Variants in PPIL3 observed in about 807,000 individuals in gnomAD.
The protein encoded by PPIL3 is peptidylprolyl isomerase like 3, also known as peptidyl-prolyl cis-trans isomerase-like 3.
Under a neutral mutation model 20.9 loss-of-function variants are expected in PPIL3, and 13 were observed. The ratio of observed to expected loss-of-function variants is 0.62; its 90% CI spans 0.40 to 0.99. PPIL3 has a LOEUF of 0.99. PPIL3 is among the 50% of genes least tolerant of loss of function. The pLI, the probability that PPIL3 is intolerant of heterozygous loss-of-function variation, is 0.00. For synonymous variants in PPIL3, 71 were observed against 64.4 expected (o/e 1.10, Z -0.49); for missense variants, 170 against 195.2 (o/e 0.87, Z 0.77).
intron 2 of PPIL3, among the ~76,000 whole-genome samples, chr2:200,886,429 CTTT>C (rs1304349954): frequency 1.4e-5 from 2 of 142,914 alleles, no homozygotes; most frequent in Non-Finnish European, 3.1e-5. Flanking sequence ...TTCATTTCTC[CTTT>C]TTTTTTTTTT....
intron 1 of PPIL3, 109 bp downstream of exon 1, chr2:200,888,847 C>A: frequency 2.2e-6 from 1 of 454,472 alleles, no homozygotes; most frequent in Non-Finnish European, 4.6e-6. Context: ...ACAACAGCCT[C>A]GCCGCCCACT....
intron 3 of PPIL3, chr2:200,885,355 A>G: frequency 2.8e-6 from 1 of 360,330 alleles, no homozygotes; most frequent in Non-Finnish European, 4.9e-6. Flanking sequence ...TGGGGGACAC[A>G]GCGAGACTCC....
chr2:200,871,933 T>A (rs1490634717), intron 6 of PPIL3, among the ~76,000 whole-genome samples: 2 of 152,204 alleles, frequency 1.3e-5, no homozygotes, highest in Admixed American at 1.3e-4. Flanking sequence ...ACTTGATTAT[T>A]TTTTCAAAAT....
chr2:200,880,824 A>C (rs1234267297), intron 5 of PPIL3, among the ~76,000 whole-genome samples: 2 of 152,038 alleles, frequency 1.3e-5, no homozygotes, highest in Non-Finnish European at 2.9e-5. Context: ...ACTAATTTTT[A>C]ATTTTAGACA....
At chr2:200,882,670 G>A (rs563187755) in intron 3 of PPIL3, among the ~76,000 whole-genome samples, 1 of 152,240 alleles carries the variant, frequency 6.6e-6, no homozygotes, top group African/African-American at 2.4e-5. Context: ...AGCACTTTGG[G>A]AGGCCGAGGT....
In PPIL3 at chr2:200,887,625, T is replaced by C; in HGVS notation, c.-10A>G. The C allele has an allele frequency of 6.2e-7, 1 of 1,603,740 alleles. No individual in the cohort carries two copies. Among genetic ancestry groups the C allele is most frequent in the Non-Finnish European group, 8.5e-7 (1 of 1,174,096 alleles). ...GCTCAAAACTTACCATTTTTCCTCT[T>C]AGTGGTTTCAGGAAGGACTACGTGA... is the stretch of plus-strand genomic sequence containing the variant. On this transcript the variant is annotated 5_prime_UTR_variant, in exon 2 of 7. Transcript: ENST00000392283.
intron 6 of PPIL3, among the ~76,000 whole-genome samples, chr2:200,875,555 C>T (rs561628987): frequency 3.0e-4 from 46 of 151,654 alleles, no homozygotes; most frequent in Non-Finnish European, 5.7e-4. Flanking sequence ...TGTGAGCCAC[C>T]GCACCCGGCT....
chr2:200,884,382 A>G (rs1254377597), intron 3 of PPIL3, among the ~76,000 whole-genome samples: 1 of 152,186 alleles, frequency 6.6e-6, no homozygotes, highest in East Asian at 1.9e-4. Context: ...AGCCTGGGCA[A>G]CAAGAGCAAA....
chr2:200,878,430 C>G (rs1003594330), intron 5 of PPIL3, among the ~76,000 whole-genome samples: 2 of 150,202 alleles, frequency 1.3e-5, no homozygotes, highest in African/African-American at 4.9e-5. Context: ...CACTCTGTCA[C>G]CCAGGTTAGA....
intron 5 of PPIL3, among the ~76,000 whole-genome samples, chr2:200,877,898 T>A (rs2039582149): frequency 6.6e-6 from 1 of 152,150 alleles, no homozygotes; most frequent in Non-Finnish European, 1.5e-5. Context: ...TAGTATTTGT[T>A]TACAAGAGAC....
chr2:200,877,083 T>A (rs200869819), intron 5 of PPIL3, 46 bp from the exon 6 acceptor site: 5 of 1,234,160 alleles, frequency 4.1e-6, no homozygotes, highest in Non-Finnish European at 6.0e-6. Flanking sequence ...TATATAACCA[T>A]CCCAAATATA....
At chr2:200,871,841 C>A (rs1246374036) in intron 6 of PPIL3, among the ~76,000 whole-genome samples, 1 of 152,176 alleles carries the variant, frequency 6.6e-6, no homozygotes, top group Admixed American at 6.5e-5. Context: ...AAAGGGAAAA[C>A]AAACTGTTTT....
At chr2:200,877,132 T>A (rs1300007203) in intron 5 of PPIL3, 95 bp from the exon 6 acceptor site, 12 of 862,930 alleles carry the variant, frequency 1.4e-5, no homozygotes, top group Non-Finnish European at 2.1e-5. Flanking sequence ...TTTTCTTTTT[T>A]AAAAATATTT....
intron 6 of PPIL3, 42 bp downstream of exon 6, chr2:200,876,877 T>C (rs373867309): frequency 1.1e-4 from 148 of 1,386,480 alleles, no homozygotes; most frequent in Admixed American, 1.5e-4. Flanking sequence ...ATGCACCACT[T>C]GCATTGAAAT....
intron 3 of PPIL3, among the ~76,000 whole-genome samples, 194 bp from the exon 4 acceptor site, chr2:200,882,629 G>A (rs1217976111): frequency 3.3e-5 from 5 of 152,072 alleles, no homozygotes; most frequent in Admixed American, 6.6e-5. Context: ...AAAATCTTTC[G>A]CCGGGCATGG....
chr2:200,874,490 G>A (rs2039440905), intron 6 of PPIL3, among the ~76,000 whole-genome samples: 1 of 152,088 alleles, frequency 6.6e-6, no homozygotes, highest in African/African-American at 2.4e-5. Context: ...CTAGAGGAAA[G>A]TTACTGGATC....
intron 3 of PPIL3, chr2:200,885,307 G>T (rs1417671748): frequency 5.6e-6 from 2 of 354,548 alleles, no homozygotes; most frequent in South Asian, 1.4e-4. Flanking sequence ...GGAGGCGGAG[G>T]TTGCAGTGAG....
chr2:200,884,435 G>C (rs1247969643), intron 3 of PPIL3, among the ~76,000 whole-genome samples: 1 of 151,918 alleles, frequency 6.6e-6, no homozygotes, highest in Non-Finnish European at 1.5e-5. Context: ...AAAATAAACA[G>C]GCGAAATAAT....
intron 6 of PPIL3, among the ~76,000 whole-genome samples, chr2:200,874,038 T>C (rs1354365019): frequency 6.6e-6 from 1 of 150,784 alleles, no homozygotes; most frequent in African/African-American, 2.4e-5. Context: ...ACCCCGTCTC[T>C]ACTAAAAATA....
Sources: allele counts gnomAD v4.1 joint callset (sites outside exome capture counted in the v4.1 genomes callset), GRCh38; gene constraint gnomAD v4.1.1; transcripts MANE v1.5; gene names NCBI Gene and HGNC (gene_info 2026-07-23, HGNC 2026-07-21).